The following CDH20 variants were observed in gnomAD, a reference collection of about 807,000 sequenced individuals.
CDH20 encodes the protein cadherin 20, also known as cadherin-20.
Under a neutral mutation model 74.2 loss-of-function variants are expected in CDH20, and 29 were observed. That is an observed-to-expected ratio of 0.39 (90% CI 0.29 to 0.53). CDH20 has a LOEUF of 0.53. Ranked by LOEUF, CDH20 falls within the 20% of genes least tolerant of loss-of-function variation. The pLI is 0.69. For synonymous variants in CDH20, 469 were observed against 405.4 expected, an observed-to-expected ratio of 1.16 and a Z score of -1.88; for missense variants, 988 against 1,048.3, an observed-to-expected ratio of 0.94 and a Z score of 0.79.
chr18:61,448,883 G>T (rs533329338), intron 1 of CDH20, among the ~76,000 whole-genome samples: 1 of 152,086 alleles, frequency 6.6e-6, no homozygotes, highest in East Asian at 1.9e-4. Context: ...CACTCTTCAG[G>T]TTCCTCTACG....
rs369637686 is a variant in CDH20, at chr18:61,426,385, A to T, written c.-152-64017A>T. On this transcript the variant is annotated intron_variant, in intron 1 of 11. Transcript: ENST00000262717. ...GGACATAAAATTTAGAAAGGGTTTG[A>T]AAATGACCTTCAAAGCCTTAGGGGA... Among the ~76,000 whole-genome samples the T allele has an allele frequency of 4.1e-4, 62 of 152,294 alleles. 2 individuals carry two copies. In the East Asian group the frequency reaches 5.8e-3, roughly 14 times the overall value.
At chr18:61,440,821 C>T (rs1185221826) in intron 1 of CDH20, among the ~76,000 whole-genome samples, 1 of 152,122 alleles carries the variant, frequency 6.6e-6, no homozygotes, top group African/African-American at 2.4e-5. Context: ...GCACAGGTCT[C>T]TTGAGGTCTA....
At chr18:61,471,245 G>GTTGC (rs1189894155) in intron 1 of CDH20, among the ~76,000 whole-genome samples, 3 of 152,172 alleles carry the variant, frequency 2.0e-5, no homozygotes, top group African/African-American at 7.2e-5. Flanking sequence ...CATAGCACAT[G>GTTGC]TTGCTCTCTG....
chr18:61,544,619 C>T (rs910658714), intron 9 of CDH20, among the ~76,000 whole-genome samples: 12 of 152,186 alleles, frequency 7.9e-5, no homozygotes, highest in African/African-American at 1.2e-4. Context: ...CTTCCCTTGG[C>T]ATCCGCATCA....
At chr18:61,495,731 AG>A (rs1243116630) in intron 2 of CDH20, among the ~76,000 whole-genome samples, 1 of 152,108 alleles carries the variant, frequency 6.6e-6, no homozygotes, top group Non-Finnish European at 1.5e-5. Flanking sequence ...CCCCAGCCAG[AG>A]GGGCACTGGC....
chr18:61,531,386 G>C (rs944646737), intron 7 of CDH20, among the ~76,000 whole-genome samples: 1 of 152,214 alleles, frequency 6.6e-6, no homozygotes, highest in African/African-American at 2.4e-5. Context: ...AGCCTGGAGA[G>C]CTGCCATCAG....
intron 10 of CDH20, among the ~76,000 whole-genome samples, chr18:61,549,474 T>C (rs1441692305): frequency 6.6e-6 from 1 of 152,138 alleles, no homozygotes; most frequent in Non-Finnish European, 1.5e-5. Flanking sequence ...TTCAGAAGCA[T>C]AAAAGAAAAT....
At chr18:61,441,108 C>T (rs1324140896) in intron 1 of CDH20, among the ~76,000 whole-genome samples, 2 of 152,144 alleles carry the variant, frequency 1.3e-5, no homozygotes, top group South Asian at 2.1e-4. Flanking sequence ...GATCTTCCTA[C>T]CTTCAAAAAC....
intron 11 of CDH20, among the ~76,000 whole-genome samples, chr18:61,550,924 C>A (rs1289883776): frequency 6.6e-6 from 1 of 152,194 alleles, no homozygotes; most frequent in East Asian, 1.9e-4. Context: ...ACACAGATTT[C>A]TGGAGAATAA....
intron 1 of CDH20, among the ~76,000 whole-genome samples, chr18:61,417,290 T>C (rs1390485110): frequency 6.6e-6 from 1 of 152,120 alleles, no homozygotes; most frequent in Non-Finnish European, 1.5e-5. Context: ...TTGGAATTTA[T>C]ACCTGTAAGG....
At chr18:61,479,560 T>A (rs763347483) in intron 1 of CDH20, among the ~76,000 whole-genome samples, 5 of 152,222 alleles carry the variant, frequency 3.3e-5, no homozygotes, top group Non-Finnish European at 5.9e-5. Flanking sequence ...TGAGCAAAGT[T>A]ATACCTGAAG....
At chr18:61,400,481 T>A (rs957616360) in intron 1 of CDH20, among the ~76,000 whole-genome samples, 4 of 152,170 alleles carry the variant, frequency 2.6e-5, no homozygotes, top group African/African-American at 9.6e-5. Flanking sequence ...TAACTGAGAT[T>A]ATGTGCAAGT....
At chr18:61,395,846 A>C (rs551855262) in intron 1 of CDH20, among the ~76,000 whole-genome samples, 20 of 152,318 alleles carry the variant, frequency 1.3e-4, no homozygotes, top group Admixed American at 4.6e-4. Context: ...CATCCTGGCC[A>C]ACATGGTGAA....
intron 7 of CDH20, among the ~76,000 whole-genome samples, chr18:61,528,446 G>GACACACAC (rs1555683467): frequency 1.3e-4 from 13 of 97,714 alleles, no homozygotes; most frequent in African/African-American, 4.2e-4. Context: ...AATTGGTTGA[G>GACACACAC]ACACACACAC....
chr18:61,493,784 A>G (rs750393454), intron 2 of CDH20, among the ~76,000 whole-genome samples: 19 of 152,230 alleles, frequency 1.2e-4, no homozygotes, highest in Non-Finnish European at 2.4e-4. Flanking sequence ...ATAGACATAC[A>G]TGGCCACTGC....
chr18:61,467,071 T>C (rs894746364), intron 1 of CDH20, among the ~76,000 whole-genome samples: 27 of 152,220 alleles, frequency 1.8e-4, no homozygotes, highest in African/African-American at 6.3e-4. Flanking sequence ...CCTTTAAGGA[T>C]GGAAGGTCAG....
chr18:61,451,973 T>C (rs1468989988), intron 1 of CDH20, among the ~76,000 whole-genome samples: 1 of 152,188 alleles, frequency 6.6e-6, no homozygotes, highest in African/African-American at 2.4e-5. Flanking sequence ...GACCTTTCTG[T>C]CTGTTGTGGT....
Position 61,356,608 on chromosome 18 carries a change from G to A in CDH20, c.-153+22781G>A, listed in dbSNP as rs1441982244. ...TCTTATTTTAATTCCCAAGCTAATA[G>A]CAATTCACAGGCAGTTAAGTAACTC... On this transcript the variant is annotated intron_variant, in intron 1 of 11. Transcript: ENST00000262717. 3.3e-5 allele frequency among the ~76,000 whole-genome samples: 5 copies of A among 152,134 alleles called. No homozygotes were observed. In the East Asian group the frequency reaches 9.6e-4, roughly 29 times the overall value.
intron 1 of CDH20, among the ~76,000 whole-genome samples, chr18:61,363,565 G>A (rs1369811071): frequency 6.6e-6 from 1 of 152,146 alleles, no homozygotes; most frequent in African/African-American, 2.4e-5. Flanking sequence ...AAAAAGGTGT[G>A]TTTTTAGTAA....
Sources: allele counts gnomAD v4.1 joint callset (sites outside exome capture counted in the v4.1 genomes callset), GRCh38; gene constraint gnomAD v4.1.1; transcripts MANE v1.5; gene names NCBI Gene and HGNC (gene_info 2026-07-23, HGNC 2026-07-21).